Variants in KCND2 observed in about 807,000 individuals in gnomAD.
KCND2 encodes the protein potassium voltage-gated channel subfamily D member 2, also known as A-type voltage-gated potassium channel KCND2.
A neutral mutation model predicts 54.4 loss-of-function variants in KCND2; 16 were observed. The ratio of observed to expected loss-of-function variants is 0.29; its 90% CI spans 0.20 to 0.45. KCND2 has a LOEUF of 0.45. KCND2 is among the 20% of genes least tolerant of loss of function. The pLI is 1.00. For synonymous variants in KCND2, 317 were observed against 310.7 expected, an observed-to-expected ratio of 1.02 and a Z score of -0.21; for missense variants, 486 against 824.2, an observed-to-expected ratio of 0.59 and a Z score of 5.02.
At chr7:120,361,665 A>G (rs1351610047) in intron 1 of KCND2, among the ~76,000 whole-genome samples, 1 of 152,056 alleles carries the variant, frequency 6.6e-6, no homozygotes, top group Non-Finnish European at 1.5e-5. Flanking sequence ...GAACTTTGAA[A>G]AGCAGAAAGG....
At chr7:120,553,916 T>C (rs1305953012) in intron 1 of KCND2, among the ~76,000 whole-genome samples, 1 of 152,212 alleles carries the variant, frequency 6.6e-6, no homozygotes, top group Non-Finnish European at 1.5e-5. Flanking sequence ...AAGTAAAAAG[T>C]TATTATGCAG....
In KCND2 at chr7:120,566,616, G is replaced by GA. The variant is rs1237027466; in HGVS notation, c.1116-166286dup. Among the ~76,000 whole-genome samples the GA allele has an allele frequency of 5.3e-5, 8 of 152,246 alleles. No homozygotes were observed. The East Asian group carries it at 1.5e-3, about 29-fold the overall frequency. ...CCTCCTTGGCCTCCCAAAGTGCTGA[G>GA]ATTATAGGCATGAGCCCGGTCTTGT... On this transcript the variant is annotated intron_variant, in intron 1 of 5. Transcript: ENST00000331113.
intron 1 of KCND2, among the ~76,000 whole-genome samples, chr7:120,374,555 T>C (rs920037308): frequency 1.3e-5 from 2 of 151,816 alleles, no homozygotes; most frequent in African/African-American, 4.8e-5. Flanking sequence ...ATCTTTGAAG[T>C]TGCCAACCAG....
chr7:120,506,911 T>TTTTA (rs1275052483), intron 1 of KCND2, among the ~76,000 whole-genome samples: 2 of 151,806 alleles, frequency 1.3e-5, no homozygotes, highest in Non-Finnish European at 2.9e-5. Context: ...GTAGTCATCC[T>TTTTA]TTTATTTATT....
At chr7:120,411,076 A>G (rs1204017109) in intron 1 of KCND2, among the ~76,000 whole-genome samples, 1 of 152,034 alleles carries the variant, frequency 6.6e-6, no homozygotes, top group Non-Finnish European at 1.5e-5. Context: ...CTGATAAGCA[A>G]CTTCAGCAAA....
At chr7:120,630,923 T>G (rs886221080) in intron 1 of KCND2, among the ~76,000 whole-genome samples, 1 of 152,212 alleles carries the variant, frequency 6.6e-6, no homozygotes, top group Non-Finnish European at 1.5e-5. Flanking sequence ...TCGCACTAAC[T>G]GCATCTGCTA....
At chr7:120,535,812 A>T (rs2116371692) in intron 1 of KCND2, among the ~76,000 whole-genome samples, 1 of 152,318 alleles carries the variant, frequency 6.6e-6, no homozygotes, top group East Asian at 1.9e-4. Context: ...CCATAGCAGG[A>T]TGAAGGCATC....
At chr7:120,375,712 T>C (rs1387850698) in intron 1 of KCND2, among the ~76,000 whole-genome samples, 2 of 151,822 alleles carry the variant, frequency 1.3e-5, no homozygotes, top group Non-Finnish European at 2.9e-5. Flanking sequence ...CATGGTGTTT[T>C]CCTGACGAAG....
At chr7:120,377,025 G>T (rs960452045) in intron 1 of KCND2, among the ~76,000 whole-genome samples, 4 of 151,966 alleles carry the variant, frequency 2.6e-5, no homozygotes, top group Admixed American at 2.6e-4. Context: ...TTGATGTTTG[G>T]TTTAGCATTA....
chr7:120,374,135 T>G (rs1441138210), intron 1 of KCND2, among the ~76,000 whole-genome samples: 1 of 151,802 alleles, frequency 6.6e-6, no homozygotes, highest in Non-Finnish European at 1.5e-5. Context: ...TCTTATTTTG[T>G]CTATGTTGAA....
intron 1 of KCND2, among the ~76,000 whole-genome samples, chr7:120,675,924 C>T (rs1386561036): frequency 3.3e-5 from 5 of 150,042 alleles, no homozygotes; most frequent in Admixed American, 3.3e-4. Flanking sequence ...GTGGTGTGAC[C>T]TCAGCTCACT....
chr7:120,496,191 TC>T (rs927219039), intron 1 of KCND2, among the ~76,000 whole-genome samples: 4 of 152,060 alleles, frequency 2.6e-5, no homozygotes, highest in Admixed American at 2.0e-4. Context: ...TGCAACACTC[TC>T]CCTGAAGAAG....
intron 1 of KCND2, among the ~76,000 whole-genome samples, chr7:120,556,364 T>C (rs561441554): frequency 5.5e-4 from 83 of 152,272 alleles, no homozygotes; most frequent in Non-Finnish European, 1.0e-3. Context: ...TCCTACCAGA[T>C]TAAGGTGACC....
intron 1 of KCND2, among the ~76,000 whole-genome samples, chr7:120,615,220 A>C (rs1409684599): frequency 1.3e-5 from 2 of 152,128 alleles, no homozygotes; most frequent in Non-Finnish European, 2.9e-5. Context: ...TTTATTCAGA[A>C]ATCTGTACAC....
intron 1 of KCND2, among the ~76,000 whole-genome samples, chr7:120,389,052 C>T (rs1436887126): frequency 6.6e-6 from 1 of 151,464 alleles, no homozygotes; most frequent in Non-Finnish European, 1.5e-5. Flanking sequence ...AAGTAGACAA[C>T]ACATACATAA....
At chr7:120,666,628 T>C (rs989568303) in intron 1 of KCND2, among the ~76,000 whole-genome samples, 1 of 151,942 alleles carries the variant, frequency 6.6e-6, no homozygotes, top group African/African-American at 2.4e-5. Flanking sequence ...GAGACACGCG[T>C]AAGCTCTTGC....
At chr7:120,629,675 G>A (rs1793209130) in intron 1 of KCND2, among the ~76,000 whole-genome samples, 1 of 152,210 alleles carries the variant, frequency 6.6e-6, no homozygotes, top group Non-Finnish European at 1.5e-5. Context: ...GCAGGCTGTT[G>A]CAGTAGTTCA....
intron 1 of KCND2, among the ~76,000 whole-genome samples, chr7:120,452,532 C>A (rs1021968599): frequency 6.6e-6 from 1 of 152,026 alleles, no homozygotes; most frequent in African/African-American, 2.4e-5. Flanking sequence ...AGCTGGGAAA[C>A]CTGCACAGGA....
intron 1 of KCND2, among the ~76,000 whole-genome samples, chr7:120,624,355 A>G (rs76161352): frequency 0.053 from 8,121 of 152,312 alleles, 227 homozygotes; most frequent in Non-Finnish European, 0.069. Flanking sequence ...GGATTTAGCC[A>G]TCTCCAGACT....
Sources: gnomAD v4.1 joint callset for allele counts (sites outside exome capture counted in the v4.1 genomes callset) on GRCh38, gnomAD v4.1.1 for gene constraint, MANE v1.5 for transcripts, NCBI Gene and HGNC (gene_info 2026-07-23, HGNC 2026-07-21) for gene names.